The following SGK3 variants were observed in gnomAD, a reference collection of about 807,000 sequenced individuals.
SGK3 encodes serum/glucocorticoid regulated kinase family member 3, also known as serine/threonine-protein kinase Sgk3.
SGK3 carries 47 observed loss-of-function variants against 68.5 expected under a neutral mutation model. The observed-to-expected ratio is 0.69, with a 90% CI of 0.54 to 0.87. The LOEUF (loss-of-function observed/expected upper bound fraction) is 0.87, where lower values mean the gene tolerates loss of function less well. Ranked by LOEUF, SGK3 falls within the 40% of genes least tolerant of loss-of-function variation. The pLI is 0.00. For synonymous variants in SGK3, 181 were observed against 189.1 expected (o/e 0.96, Z 0.35); for missense variants, 479 against 575.5 (o/e 0.83, Z 1.72).
In SGK3 at chr8:66,784,324, G is replaced by A. The variant is rs116647543; in HGVS notation, c.-121-9292G>A. ...CCTGTTCCCCTGCTGAGGAAAACTT[G>A]TAGCTCTTCACAAGCCAAATTCCTT... is the stretch of plus-strand genomic sequence containing the variant. On this transcript the variant is annotated intron_variant, in intron 1 of 16. Transcript: ENST00000521198. Among the ~76,000 whole-genome samples the A allele has an allele frequency of 7.6e-3, 1,160 of 152,264 alleles. 10 individuals carry two copies. Among genetic ancestry groups the A allele is most frequent in the Middle Eastern group, 0.024 (7 of 294 alleles).
chr8:66,839,453 T>G (rs1450472167), intron 10 of SGK3, among the ~76,000 whole-genome samples: 1 of 134,116 alleles, frequency 7.5e-6, no homozygotes, highest in Non-Finnish European at 1.6e-5. Flanking sequence ...CTAATTCAGA[T>G]TTTTTGAAAA....
intron 1 of SGK3, among the ~76,000 whole-genome samples, chr8:66,773,359 A>G (rs893169348): frequency 6.6e-6 from 1 of 152,192 alleles, no homozygotes; most frequent in Non-Finnish European, 1.5e-5. Flanking sequence ...CTGAGAGGGA[A>G]GAGTCAAAGG....
At chr8:66,839,956 T>A in intron 10 of SGK3, 47 bp from the exon 11 acceptor site, 3 of 1,534,388 alleles carry the variant, frequency 2.0e-6, no homozygotes, top group Non-Finnish European at 2.7e-6. Context: ...TATGTGTGAA[T>A]GATCCTAACA....
chr8:66,819,998 A>G lies in SGK3; in HGVS notation c.330-2374A>G, dbSNP rs574270216. ...ACATCCGGCTAACTTTTGTATTTTT[A>G]GTAGAGACAAGATTTCACTATGTTG... On this transcript the variant is annotated intron_variant, in intron 5 of 16. Coordinates refer to ENST00000521198, the MANE Select transcript of SGK3 (RefSeq NM_001033578.3). Among the ~76,000 whole-genome samples the G allele has an allele frequency of 1.4e-3, 207 of 152,034 alleles. 1 individual carries two copies. In the South Asian group the frequency reaches 0.022, roughly 16 times the overall value.
chr8:66,762,851 A>G (rs990964863), intron 1 of SGK3, among the ~76,000 whole-genome samples: 7 of 152,230 alleles, frequency 4.6e-5, no homozygotes, highest in South Asian at 2.1e-4. Flanking sequence ...GTCATTTGAC[A>G]TGTACTTCTG....
At chr8:66,803,125 A>C (rs1179223599) in intron 3 of SGK3, among the ~76,000 whole-genome samples, 1 of 152,184 alleles carries the variant, frequency 6.6e-6, no homozygotes, top group African/African-American at 2.4e-5. Context: ...TCATTTAATC[A>C]CTAGGTTCCC....
chr8:66,817,075 C>T (rs777540407), intron 5 of SGK3, among the ~76,000 whole-genome samples: 1 of 152,082 alleles, frequency 6.6e-6, no homozygotes, highest in Non-Finnish European at 1.5e-5. Context: ...GATGATCTGC[C>T]TCCCAAAGTG....
chr8:66,797,757 T>C (rs761103923), intron 2 of SGK3, among the ~76,000 whole-genome samples: 5 of 152,166 alleles, frequency 3.3e-5, no homozygotes, highest in Non-Finnish European at 5.9e-5. Flanking sequence ...ACTTTGTAAG[T>C]TCCAGGTAGT....
At chr8:66,721,758 A>T (rs1443899502) in intron 1 of SGK3, among the ~76,000 whole-genome samples, 1 of 151,742 alleles carries the variant, frequency 6.6e-6, no homozygotes, top group Non-Finnish European at 1.5e-5. Flanking sequence ...TAAAGATGAC[A>T]GTCATGTTAT....
intron 4 of SGK3, among the ~76,000 whole-genome samples, chr8:66,813,156 A>T (rs373640764): frequency 1.3e-5 from 2 of 152,278 alleles, no homozygotes; most frequent in South Asian, 2.1e-4. Context: ...TGGCAGGCTG[A>T]GGCAGGAGGG....
chr8:66,806,232 A>G (rs1160921672), intron 4 of SGK3, among the ~76,000 whole-genome samples: 1 of 150,490 alleles, frequency 6.6e-6, no homozygotes, highest in Admixed American at 6.6e-5. Context: ...AGCACATTTC[A>G]TTGTAATTGC....
At chr8:66,729,735 T>TTATATTTA (rs149985419) in intron 1 of SGK3, among the ~76,000 whole-genome samples, 4,804 of 150,986 alleles carry the variant, frequency 0.032, 131 homozygotes, top group African/African-American at 0.051. Flanking sequence ...ATTTATTTAT[T>TTATATTTA]TTTATTTATT....
At chr8:66,856,881 T>C (rs748068128) in intron 16 of SGK3, among the ~76,000 whole-genome samples, 16 of 152,094 alleles carry the variant, frequency 1.1e-4, no homozygotes, top group African/African-American at 1.7e-4. Flanking sequence ...TCACTTGAGG[T>C]CAGAAGTTCG....
intron 1 of SGK3, among the ~76,000 whole-genome samples, chr8:66,738,193 T>C (rs1259614331): frequency 6.6e-6 from 1 of 152,190 alleles, no homozygotes; most frequent in Non-Finnish European, 1.5e-5. Context: ...TTTCATCATT[T>C]ACAAAGCTCT....
intron 8 of SGK3, among the ~76,000 whole-genome samples, chr8:66,834,790 A>C (rs957203507): frequency 3.3e-5 from 5 of 151,894 alleles, no homozygotes; most frequent in Non-Finnish European, 7.4e-5. Flanking sequence ...AAAAAAATAA[A>C]TTAGCCCCGT....
intron 1 of SGK3, among the ~76,000 whole-genome samples, chr8:66,723,113 ATATATATATATATATATAT>A (rs1381235150): frequency 0.023 from 1,121 of 49,054 alleles, 37 homozygotes; most frequent in Non-Finnish European, 0.035. Flanking sequence ...ATATATATAT[ATATATATATATATATATAT>A]TTTTTTTTTT....
Position 66,847,348 on chromosome 8 carries a change from T to C in SGK3, c.1230T>C (p.Phe410=). 6.2e-7 allele frequency: 1 copy of C among 1,611,676 alleles called. No individual in the cohort carries two copies. The highest frequency in any genetic ancestry group is 8.5e-7 in the Non-Finnish European group (1 of 1,179,378). ...ATCGACTTGGTGCCAAGGAAGACTT[T>C]GTATGTAACAGCTTTTCTAGCTCCA... ...RQNRLGAKED[F]LEIQNHPFFE... Residue 410 remains phenylalanine (F), a splice_region_variant and synonymous_variant, in exon 15 of 17, where the codon TTT becomes TTC. Transcript: ENST00000521198.
At chr8:66,744,506 TATATATA>T (rs1224074503) in intron 1 of SGK3, among the ~76,000 whole-genome samples, 27 of 32,346 alleles carry the variant, frequency 8.3e-4, no homozygotes, top group African/African-American at 3.1e-3. Context: ...TATATATATA[TATATATA>T]TATATATTTT....
chr8:66,793,287 C>A (rs1014889302), intron 1 of SGK3, among the ~76,000 whole-genome samples: 6 of 152,130 alleles, frequency 3.9e-5, no homozygotes, highest in Admixed American at 3.3e-4. Context: ...CACACTTGAC[C>A]AGTTCATCCT....
Sources: allele counts gnomAD v4.1 joint callset (sites outside exome capture counted in the v4.1 genomes callset), GRCh38; gene constraint gnomAD v4.1.1; transcripts MANE v1.5; gene names NCBI Gene and HGNC (gene_info 2026-07-23, HGNC 2026-07-21).